Variants in LSAMP observed in about 807,000 individuals in gnomAD.
LSAMP encodes limbic system associated membrane protein.
Under a neutral mutation model 38.6 loss-of-function variants are expected in LSAMP, and 7 were observed. The observed-to-expected ratio is 0.18, with a 90% confidence interval of 0.10 to 0.34. The LOEUF is 0.34. LSAMP is among the 10% of genes least tolerant of loss of function. The probability of loss-of-function intolerance (pLI) is 1.00; values close to 1 mark genes in which losing one functional copy is unlikely to be tolerated. For synonymous variants in LSAMP, 154 were observed against 166.8 expected (o/e 0.92, Z 0.59); for missense variants, 313 against 420.0 (o/e 0.75, Z 2.23).
chr3:116,083,305 G>C (rs189377519), intron 2 of LSAMP, among the ~76,000 whole-genome samples: 425 of 152,212 alleles, frequency 2.8e-3, no homozygotes, highest in African/African-American at 9.3e-3. Context: ...AACCTACTGG[G>C]TGAGAAAACA....
intron 3 of LSAMP, among the ~76,000 whole-genome samples, chr3:115,898,571 T>C (rs77300474): frequency 0.03 from 4,492 of 150,456 alleles, 106 homozygotes; most frequent in Non-Finnish European, 0.044. Context: ...AGTACCAATA[T>C]ATGATTGCCT....
intron 1 of LSAMP, among the ~76,000 whole-genome samples, chr3:116,199,095 GAAATA>G (rs1444537650): frequency 1.3e-5 from 2 of 151,160 alleles, no homozygotes; most frequent in Non-Finnish European, 2.9e-5. Context: ...AAAATAAAAT[GAAATA>G]AAATAAATAA....
intron 1 of LSAMP, among the ~76,000 whole-genome samples, chr3:116,294,239 T>C (rs772972524): frequency 3.9e-5 from 6 of 152,148 alleles, no homozygotes; most frequent in East Asian, 3.9e-4. Context: ...CACATGAAGA[T>C]TGTCAACTAT....
chr3:116,382,655 AAAAAT>A (rs924862280), intron 1 of LSAMP, among the ~76,000 whole-genome samples: 16 of 152,070 alleles, frequency 1.1e-4, no homozygotes, highest in Non-Finnish European at 2.4e-4. Flanking sequence ...AGTATAATAA[AAAAAT>A]AAAATAAAAT....
intron 1 of LSAMP, among the ~76,000 whole-genome samples, chr3:116,333,835 T>C (rs1447574773): frequency 6.6e-6 from 1 of 151,398 alleles, no homozygotes; most frequent in Non-Finnish European, 1.5e-5. Flanking sequence ...TTACAAATTT[T>C]GAAATTAAAA....
intron 1 of LSAMP, among the ~76,000 whole-genome samples, chr3:116,212,893 G>GTT (rs1219944055): frequency 8.5e-4 from 129 of 152,300 alleles, no homozygotes; most frequent in Non-Finnish European, 2.5e-4. Flanking sequence ...TAAGTACAAA[G>GTT]TTATACTATT....
At chr3:116,071,451 C>T (rs1707604711) in intron 2 of LSAMP, among the ~76,000 whole-genome samples, 1 of 151,578 alleles carries the variant, frequency 6.6e-6, no homozygotes, top group Admixed American at 6.6e-5. Context: ...CACCCTTCTC[C>T]CCAAAAAACT....
At chr3:115,970,355 G>A (rs969804386) in intron 3 of LSAMP, among the ~76,000 whole-genome samples, 2 of 152,172 alleles carry the variant, frequency 1.3e-5, no homozygotes, top group African/African-American at 4.8e-5. Flanking sequence ...CTTTCATCCA[G>A]AAAACTTTAA....
chr3:116,051,666 A>G (rs188906714), intron 2 of LSAMP, among the ~76,000 whole-genome samples: 1 of 152,232 alleles, frequency 6.6e-6, no homozygotes, highest in East Asian at 1.9e-4. Context: ...CAGAAAGTAG[A>G]AAGTTTTGAG....
At chr3:115,946,184 T>G (rs1475966695) in intron 3 of LSAMP, among the ~76,000 whole-genome samples, 1 of 152,160 alleles carries the variant, frequency 6.6e-6, no homozygotes, top group East Asian at 1.9e-4. Flanking sequence ...CTGCATGATC[T>G]CACTTATGTG....
chr3:116,105,437 T>C (rs868337396), intron 1 of LSAMP, among the ~76,000 whole-genome samples: 2 of 151,928 alleles, frequency 1.3e-5, no homozygotes, highest in South Asian at 2.1e-4. Context: ...TGGGTGCAGG[T>C]GGGCTGAGTC....
At chr3:116,126,356 A>C (rs1481052647) in intron 1 of LSAMP, among the ~76,000 whole-genome samples, 2 of 152,246 alleles carry the variant, frequency 1.3e-5, no homozygotes, top group African/African-American at 4.8e-5. Context: ...AGGGTGCTAT[A>C]AATGGGCCAT....
chr3:116,209,827 C>G (rs1056698894), intron 1 of LSAMP, among the ~76,000 whole-genome samples: 2 of 152,288 alleles, frequency 1.3e-5, no homozygotes, highest in African/African-American at 4.8e-5. Flanking sequence ...TCTCCGCTCA[C>G]TGCAACCTCC....
chr3:115,940,043 C>T lies in LSAMP; in HGVS notation c.514+79472G>A, dbSNP rs559184594. ...CTTCAGGAGTGAAGTTGCAGACCTT[C>T]GCAGTGAGTGTTACAGTTCTTAATG... is the stretch of plus-strand genomic sequence containing the variant. On this transcript the variant is annotated intron_variant, in intron 3 of 6. Coordinates refer to ENST00000490035, the MANE Select transcript of LSAMP (RefSeq NM_002338.5). 1.6e-4 allele frequency among the ~76,000 whole-genome samples: 25 copies of T among 152,130 alleles called. No individual in the cohort carries two copies. The East Asian group carries it at 2.1e-3, about 13-fold the overall frequency.
intron 1 of LSAMP, among the ~76,000 whole-genome samples, chr3:116,251,807 T>C (rs2046688139): frequency 6.6e-6 from 1 of 152,232 alleles, no homozygotes; most frequent in African/African-American, 2.4e-5. Context: ...CAAAATTCAG[T>C]TATGTAGCTC....
At chr3:116,259,991 T>C (rs909838761) in intron 1 of LSAMP, among the ~76,000 whole-genome samples, 1 of 152,180 alleles carries the variant, frequency 6.6e-6, no homozygotes, top group Non-Finnish European at 1.5e-5. Flanking sequence ...CTCTTTTTTC[T>C]ACAGTCTTTC....
Position 116,298,301 on chromosome 3 carries a change from C to T in LSAMP, c.155+146576G>A, listed in dbSNP as rs72950108. Among the ~76,000 whole-genome samples the T allele has an allele frequency of 3.3e-3, 507 of 152,308 alleles. 6 individuals are homozygous for T. Among genetic ancestry groups the T allele is most frequent in the African/African-American group, 0.011 (461 of 41,558 alleles). The stretch of plus-strand genomic sequence containing the variant: ...GGAGAGACCCTCCTTCTGTTTCCCT[C>T]TCTAGTTTTCTGCCCAAAATCATGC... On this transcript the variant is annotated intron_variant, in intron 1 of 6. Transcript: ENST00000490035.
intron 1 of LSAMP, among the ~76,000 whole-genome samples, chr3:116,115,333 T>G (rs748735050): frequency 2.0e-5 from 3 of 152,244 alleles, no homozygotes; most frequent in Non-Finnish European, 4.4e-5. Context: ...CTATGTAATG[T>G]AGGTACCCTA....
chr3:116,257,780 T>C (rs989317764), intron 1 of LSAMP, among the ~76,000 whole-genome samples: 7 of 152,298 alleles, frequency 4.6e-5, no homozygotes, highest in African/African-American at 1.7e-4. Flanking sequence ...TGATACATGG[T>C]GGGTGCTCCA....
Sources: gnomAD v4.1 joint callset for allele counts (sites outside exome capture counted in the v4.1 genomes callset) on GRCh38, gnomAD v4.1.1 for gene constraint, MANE v1.5 for transcripts, NCBI Gene and HGNC (gene_info 2026-07-23, HGNC 2026-07-21) for gene names.